VCL: variants seen among roughly 807,000 people sequenced by gnomAD.
VCL encodes epididymis luminal protein 114.
In VCL, 47 loss-of-function variants were observed where a neutral mutation model predicts 125.7. That is an observed-to-expected ratio of 0.37 (90% CI 0.30 to 0.48). The LOEUF is 0.48. Ranked by LOEUF, VCL falls within the 20% of genes least tolerant of loss-of-function variation. The pLI, the probability that VCL is intolerant of heterozygous loss-of-function variation, is 0.99. For missense variants in VCL, 1,069 were observed against 1,455.5 expected (o/e 0.73, Z 4.32); for synonymous variants, 458 against 514.6 (o/e 0.89, Z 1.49).
intron 15 of VCL, 31 bp from the exon 16 acceptor site, chr10:74,105,020 A>G (rs753114035): frequency 6.2e-7 from 1 of 1,612,974 alleles, no homozygotes; most frequent in South Asian, 1.1e-5. Context: ...TTCTAAATTG[A>G]AACTAAATTC....
rs145889770 is a variant in VCL, at chr10:74,007,834, T to C, written c.168+9459T>C. Among the ~76,000 whole-genome samples, 513 of 150,306 alleles carry C rather than the reference T, an allele frequency of 3.4e-3. 2 individuals are homozygous for C. The highest frequency in any genetic ancestry group is 0.012 in the African/African-American group (479 of 40,824). ...CCTTTTTTTTTGAGATGGAGTTTCA[T>C]TCTTGTTGCCCAGGCTGGAGCGCAG... is the stretch of plus-strand genomic sequence containing the variant. On this transcript the variant is annotated intron_variant, in intron 1 of 21. Coordinates refer to ENST00000211998, the MANE Select transcript of VCL (RefSeq NM_014000.3).
Position 74,118,313 on chromosome 10 carries a change from A to G in VCL, c.*144A>G. Reference sequence around the variant, plus strand: ...TCAGAAAGGAATGGGGGCCTCTTCAAATTAGAAGACATTTATACTCTTTTT... The same window carrying G: ...TCAGAAAGGAATGGGGGCCTCTTCAGATTAGAAGACATTTATACTCTTTTT... On this transcript the variant is annotated 3_prime_UTR_variant, in exon 22 of 22. Transcript: ENST00000211998. 5 of 949,672 alleles carry G rather than the reference A, an allele frequency of 5.3e-6. No individual in the cohort carries two copies. In the Admixed American group the frequency reaches 1.0e-4, roughly 19 times the overall value. The allele number at this position is 949,672 out of a possible 1,614,324, so 58.8% of individuals were successfully genotyped here. A position where few individuals can be genotyped will look rare whatever the true frequency, so the allele number is the denominator to read the frequency against.
At chr10:74,032,049 AG>A (rs1840882673) in intron 1 of VCL, among the ~76,000 whole-genome samples, 1 of 132,924 alleles carries the variant, frequency 7.5e-6, no homozygotes, top group Admixed American at 8.3e-5. Flanking sequence ...GGGCAACAAG[AG>A]CAAAACTCCA....
intron 11 of VCL, among the ~76,000 whole-genome samples, chr10:74,095,277 A>G (rs1465745454): frequency 6.6e-6 from 1 of 152,206 alleles, no homozygotes. Flanking sequence ...AAAGATAGTG[A>G]AATAAAAATA....
At chr10:74,072,889 A>G (rs778111182) in intron 5 of VCL, 37 bp downstream of exon 5, 85 of 1,613,480 alleles carry the variant, frequency 5.3e-5, no homozygotes, top group Non-Finnish European at 6.8e-5. Flanking sequence ...TAGGGGGGAA[A>G]AATGTTAGCA....
rs1380344043 is a variant in VCL, at chr10:74,042,572, CAT to C, written c.169-508_169-507del. ...TCGCACTATAATTAGGGAAAAATAT[CAT>C]ATTGTTTTAATTTCAGTTTTTTTGA... On this transcript the variant is annotated intron_variant, in intron 1 of 21. Coordinates refer to ENST00000211998, the MANE Select transcript of VCL (RefSeq NM_014000.3). Among the ~76,000 whole-genome samples, 14 of 152,116 alleles carry C rather than the reference CAT, an allele frequency of 9.2e-5. 1 individual carries two copies. In the East Asian group the frequency reaches 2.7e-3, roughly 29 times the overall value.
At chr10:74,032,258 AAAG>A (rs1475147468) in intron 1 of VCL, among the ~76,000 whole-genome samples, 29 of 150,758 alleles carry the variant, frequency 1.9e-4, no homozygotes, top group Middle Eastern at 3.4e-3. Flanking sequence ...AAAAAAAAAA[AAAG>A]AAAAAGGAAA....
intron 1 of VCL, among the ~76,000 whole-genome samples, chr10:74,025,108 C>A (rs1029352597): frequency 8.5e-5 from 13 of 152,172 alleles, no homozygotes; most frequent in African/African-American, 2.7e-4. Context: ...CCTCTGCCTC[C>A]TGGGTTCAAG....
chr10:74,043,390 A>G (rs1274815887), intron 2 of VCL, among the ~76,000 whole-genome samples: 1 of 151,342 alleles, frequency 6.6e-6, no homozygotes, highest in African/African-American at 2.4e-5. Context: ...CTCGTCACCC[A>G]GTTTGGAGTG....
At chr10:74,061,336 G>T (rs1233083169) in intron 2 of VCL, among the ~76,000 whole-genome samples, 2 of 152,102 alleles carry the variant, frequency 1.3e-5, no homozygotes, top group Non-Finnish European at 2.9e-5. Flanking sequence ...TAAAAAAATG[G>T]TTCAGTCTCT....
intron 7 of VCL, 43 bp from the exon 8 acceptor site, chr10:74,083,323 G>T: frequency 6.2e-7 from 1 of 1,610,598 alleles, no homozygotes; most frequent in South Asian, 1.1e-5. Flanking sequence ...TCTAAATAAT[G>T]AATGTGTCAA....
At chr10:74,112,502 A>G (rs1246057049) in intron 19 of VCL, among the ~76,000 whole-genome samples, 1 of 152,074 alleles carries the variant, frequency 6.6e-6, no homozygotes, top group Non-Finnish European at 1.5e-5. Flanking sequence ...CCTGCTCCCA[A>G]CTGACCCCTC....
At chr10:74,056,834 A>G (rs1356886960) in intron 2 of VCL, among the ~76,000 whole-genome samples, 2 of 152,244 alleles carry the variant, frequency 1.3e-5, no homozygotes, top group Non-Finnish European at 2.9e-5. Flanking sequence ...CTACTGTTTT[A>G]AAGTACAATC....
At chr10:74,088,280 G>A (rs1839820130) in intron 8 of VCL, among the ~76,000 whole-genome samples, 1 of 152,150 alleles carries the variant, frequency 6.6e-6, no homozygotes, top group African/African-American at 2.4e-5. Flanking sequence ...AGTAAATAGA[G>A]AAACAAGTTT....
At chr10:74,095,984 A>C in intron 12 of VCL, 129 bp downstream of exon 12, 19 of 1,150,726 alleles carry the variant, frequency 1.7e-5, no homozygotes, top group Non-Finnish European at 2.2e-5. Context: ...AGTGTGACCA[A>C]AGATATAAGG....
At chr10:74,100,526 C>T (rs990692978) in intron 13 of VCL, among the ~76,000 whole-genome samples, 1 of 152,180 alleles carries the variant, frequency 6.6e-6, no homozygotes, top group African/African-American at 2.4e-5. Flanking sequence ...ATGTTCTGGG[C>T]TTTTAATGTA....
Position 73,998,356 on chromosome 10 carries a change from C to G in VCL, c.149C>G (p.Ala50Gly), listed in dbSNP as rs1338611617. Residue 50 changes from alanine (A) to glycine (G), a missense_variant, in exon 1 of 22, where the codon GCC becomes GGC. Physicochemically the swap from Ala to Gly is moderately conservative, Grantham distance 60 (BLOSUM62 0). Around this residue, in one of 6 missense-constraint regions of VCL, gnomAD observed 96 missense variants for 137.6 expected, o/e 0.70. Coordinates refer to ENST00000211998, the MANE Select transcript of VCL (RefSeq NM_014000.3). Reference protein sequence around the residue: ...LTAPVAAVQAAVSNLVRVGKE... With the variant: ...LTAPVAAVQAGVSNLVRVGKE... ...GCGCCCGTGGCCGCCGTGCAGGCGG[C>G]CGTCAGCAACCTCGTCCGGGTGAGC... 3 of 1,543,932 alleles carry G rather than the reference C, an allele frequency of 1.9e-6. No individual in the cohort carries two copies. Among genetic ancestry groups the G allele is most frequent in the Non-Finnish European group, 2.6e-6 (3 of 1,143,008 alleles).
At chr10:74,052,543 A>AT (rs1225198991) in intron 2 of VCL, among the ~76,000 whole-genome samples, 7 of 151,686 alleles carry the variant, frequency 4.6e-5, no homozygotes, top group African/African-American at 1.5e-4. Flanking sequence ...CTCCCAGCTG[A>AT]TTTTTTGTAT....
intron 2 of VCL, among the ~76,000 whole-genome samples, chr10:74,053,855 C>G (rs1841350033): frequency 6.6e-6 from 1 of 152,116 alleles, no homozygotes; most frequent in Non-Finnish European, 1.5e-5. Context: ...AGGTGATCCA[C>G]TCACCTCCAC....
Sources: allele counts gnomAD v4.1 joint callset (sites outside exome capture counted in the v4.1 genomes callset), GRCh38; gene constraint gnomAD v4.1.1; regional missense constraint gnomAD v4.1.1; transcripts MANE v1.5; gene names NCBI Gene and HGNC (gene_info 2026-07-23, HGNC 2026-07-21).